COL28A1: variants seen among roughly 807,000 people sequenced by gnomAD.
COL28A1 encodes collagen alpha-1(XXVIII) chain.
Under a neutral mutation model 150.2 loss-of-function variants are expected in COL28A1, and 161 were observed. The observed-to-expected ratio is 1.07, with a 90% CI of 0.94 to 1.22. The LOEUF is 1.22. Among genes scored for constraint, COL28A1 ranks in the 50% most tolerant of loss-of-function variants. The pLI, the probability that COL28A1 is intolerant of heterozygous loss-of-function variation, is 0.00. For synonymous variants in COL28A1, 552 were observed against 469.7 expected (o/e 1.18, Z -2.26); for missense variants, 1,617 against 1,388.3 (o/e 1.16, Z -2.62).
chr7:7,511,693 A>C (rs375296001), intron 8 of COL28A1: 3 of 467,184 alleles, frequency 6.4e-6, no homozygotes, highest in African/African-American at 4.0e-5. Flanking sequence ...CCGTGAGAGA[A>C]AGGTTCTGAA....
the COL28A1 span, among the ~76,000 whole-genome samples, chr7:7,340,450 C>T: frequency 6.6e-6 from 1 of 152,060 alleles, no homozygotes; most frequent in Non-Finnish European, 1.5e-5. Context: ...CTTTCCAGCT[C>T]ACTGTGTCAA....
chr7:7,523,150 T>C (rs569563048), intron 4 of COL28A1, among the ~76,000 whole-genome samples: 1 of 138,938 alleles, frequency 7.2e-6, no homozygotes, highest in South Asian at 2.3e-4. Flanking sequence ...AAGGGTTTTT[T>C]CCTTTCTTTC....
intron 27 of COL28A1, among the ~76,000 whole-genome samples, chr7:7,397,449 G>A (rs559779938): frequency 1.8e-4 from 27 of 152,238 alleles, no homozygotes; most frequent in East Asian, 7.7e-4. Flanking sequence ...AGATGTGGAC[G>A]TCTTTGAGAA....
chr7:7,416,711 T>C (rs900362572), intron 27 of COL28A1, among the ~76,000 whole-genome samples: 6 of 152,222 alleles, frequency 3.9e-5, no homozygotes, highest in Admixed American at 2.0e-4. Flanking sequence ...AACAGTTATT[T>C]AGAAGACCTG....
At chr7:7,379,232 C>T (rs574805186) in intron 30 of COL28A1, among the ~76,000 whole-genome samples, 1 of 152,284 alleles carries the variant, frequency 6.6e-6, no homozygotes, top group Admixed American at 6.5e-5. Context: ...TACTGATGTA[C>T]AGGAGCCTAA....
intron 11 of COL28A1, among the ~76,000 whole-genome samples, chr7:7,493,299 T>C (rs1304503502): frequency 6.6e-6 from 1 of 152,110 alleles, no homozygotes; most frequent in Non-Finnish European, 1.5e-5. Context: ...TTGGTACTTA[T>C]CTGATGTTTG....
intron 28 of COL28A1, among the ~76,000 whole-genome samples, chr7:7,381,238 G>C (rs1781856813): frequency 6.6e-6 from 1 of 152,048 alleles, no homozygotes; most frequent in East Asian, 1.9e-4. Flanking sequence ...TATCTTCTGA[G>C]AATAAAGAAA....
intron 25 of COL28A1, among the ~76,000 whole-genome samples, chr7:7,421,864 A>G (rs1784402041): frequency 6.6e-6 from 1 of 152,176 alleles, no homozygotes; most frequent in African/African-American, 2.4e-5. Context: ...TTCTAAGGCT[A>G]CGGGTGCTAA....
intron 23 of COL28A1, among the ~76,000 whole-genome samples, chr7:7,435,435 C>A (rs1286871852): frequency 2.0e-5 from 3 of 152,126 alleles, no homozygotes; most frequent in African/African-American, 7.2e-5. Flanking sequence ...AACAATTCGT[C>A]CAAGTTTGCC....
chr7:7,415,281 G>C (rs1784004347), intron 27 of COL28A1, among the ~76,000 whole-genome samples: 1 of 152,180 alleles, frequency 6.6e-6, no homozygotes, highest in Non-Finnish European at 1.5e-5. Context: ...GAAAGGGGTA[G>C]GAAATAAGTC....
At chr7:7,530,234 T>G (rs1052900752) in intron 3 of COL28A1, among the ~76,000 whole-genome samples, 2 of 152,134 alleles carry the variant, frequency 1.3e-5, no homozygotes, top group Non-Finnish European at 2.9e-5. Context: ...TGGCAAACAT[T>G]GAATAAAATA....
At chr7:7,434,486 G>C (rs375870281) in intron 23 of COL28A1, among the ~76,000 whole-genome samples, 1 of 152,208 alleles carries the variant, frequency 6.6e-6, no homozygotes, top group Non-Finnish European at 1.5e-5. Flanking sequence ...ACAGCTCCCC[G>C]GTTGAATTAA....
intron 5 of COL28A1, among the ~76,000 whole-genome samples, chr7:7,521,019 G>A (rs1781695050): frequency 6.6e-6 from 1 of 152,008 alleles, no homozygotes; most frequent in South Asian, 2.1e-4. Context: ...CGAGTCTCAA[G>A]GTAAAATTTG....
Position 7,474,660 on chromosome 7 carries a change from C to CT in COL28A1, c.1242dup (p.Gly415ArgfsTer3). 6 of 1,381,624 alleles carry CT rather than the reference C, an allele frequency of 4.3e-6. No homozygotes were observed. The highest frequency in any genetic ancestry group is 6.2e-6 in the Non-Finnish European group (6 of 967,922). The allele number at this position is 1,381,624 out of a possible 1,614,324, so 85.6% of individuals were successfully genotyped here. The stretch of plus-strand genomic sequence containing the variant: ...TGTGGGCCAGTTGGTCCTTCAGAAC[C>CT]TTTTTCACCCTGAAAGTACAAGGGA... On this transcript the variant is annotated frameshift_variant, in exon 15 of 35. Coordinates refer to ENST00000399429, the MANE Select transcript of COL28A1 (RefSeq NM_001037763.3). LOFTEE classifies it high-confidence loss of function.
chr7:7,339,183 A>G, the COL28A1 span, among the ~76,000 whole-genome samples: 1 of 152,186 alleles, frequency 6.6e-6, no homozygotes, highest in South Asian at 2.1e-4. Context: ...ATACAGCAAT[A>G]GCTGATACAC....
Position 7,380,731 on chromosome 7 carries a change from T to C in COL28A1, c.2287-36A>G, listed in dbSNP as rs769421711. The C allele has an allele frequency of 5.0e-6, 8 of 1,613,190 alleles. No homozygotes were observed. In the Admixed American group the frequency reaches 5.0e-5, roughly 10 times the overall value. ...GAAGAAGAGTAAAAGTCAATATAGGTTGGAACCAGTTAGAGTATAAAATCA... is the reference window on the plus strand; with the variant it reads ...GAAGAAGAGTAAAAGTCAATATAGGCTGGAACCAGTTAGAGTATAAAATCA... On this transcript the variant is annotated intron_variant, in intron 29 of 34. Transcript: ENST00000399429.
At chr7:7,398,928 C>T (rs1562548844) in intron 27 of COL28A1, among the ~76,000 whole-genome samples, 1 of 152,146 alleles carries the variant, frequency 6.6e-6, no homozygotes, top group Admixed American at 6.6e-5. Context: ...CCTGTATCCT[C>T]GAGGTAGGTT....
chr7:7,347,663 C>T, the COL28A1 span, among the ~76,000 whole-genome samples: 2 of 152,084 alleles, frequency 1.3e-5, no homozygotes, highest in South Asian at 2.1e-4. Context: ...ATGAGGAAGA[C>T]TTTATCAAAG....
intron 28 of COL28A1, 79 bp from the exon 29 acceptor site, chr7:7,380,941 T>C: frequency 8.1e-7 from 1 of 1,235,570 alleles, no homozygotes; most frequent in Non-Finnish European, 1.2e-6. Context: ...AATTTGGTTA[T>C]CTGCAACTGG....
Sources: gnomAD v4.1 joint callset for allele counts (sites outside exome capture counted in the v4.1 genomes callset) on GRCh38, gnomAD v4.1.1 for gene constraint, MANE v1.5 for transcripts, NCBI Gene and HGNC (gene_info 2026-07-23, HGNC 2026-07-21) for gene names.